The following HPSE2 variants were observed in gnomAD, a reference collection of about 807,000 sequenced individuals.
The protein encoded by HPSE2 is heparanase 2 (inactive), also known as inactive heparanase-2.
Under a neutral mutation model 60.5 loss-of-function variants are expected in HPSE2, and 38 were observed. That is an observed-to-expected ratio of 0.63 (90% CI 0.48 to 0.82). The LOEUF (loss-of-function observed/expected upper bound fraction) is 0.82. Ranked by LOEUF, HPSE2 falls within the 40% of genes least tolerant of loss-of-function variation. The pLI is 0.00. For synonymous variants in HPSE2, 295 were observed against 293.2 expected (o/e 1.01, Z -0.06); for missense variants, 713 against 740.4 (o/e 0.96, Z 0.43).
the HPSE2 span, among the ~76,000 whole-genome samples, chr10:99,287,757 A>C: frequency 1.6e-4 from 25 of 152,202 alleles, no homozygotes; most frequent in Non-Finnish European, 1.2e-4. Flanking sequence ...CTCAATGTAG[A>C]GATGTATATT....
chr10:98,848,863 C>T (rs1952097652), intron 3 of HPSE2, among the ~76,000 whole-genome samples: 1 of 152,150 alleles, frequency 6.6e-6, no homozygotes, highest in African/African-American at 2.4e-5. Flanking sequence ...TCTGTCCTTA[C>T]CCTTGCTGCT....
Position 99,059,103 on chromosome 10 carries a change from A to C in HPSE2, c.610+85135T>G, listed in dbSNP as rs182948363. Among the ~76,000 whole-genome samples the C allele has an allele frequency of 2.0e-5, 3 of 152,306 alleles. No individual in the cohort carries two copies. In the East Asian group the frequency reaches 5.8e-4, roughly 29 times the overall value. On this transcript the variant is annotated intron_variant, in intron 3 of 11. Transcript: ENST00000370552. Reference sequence around the variant, plus strand: ...ATCCTTCCTTTGATTTTTTTCAATCATTTAAAAATGTTAAAACCATTCTCA... The same window carrying C: ...ATCCTTCCTTTGATTTTTTTCAATCCTTTAAAAATGTTAAAACCATTCTCA...
chr10:98,809,290 G>T (rs1354736296), intron 3 of HPSE2, among the ~76,000 whole-genome samples: 1 of 151,954 alleles, frequency 6.6e-6, no homozygotes, highest in African/African-American at 2.4e-5. Context: ...ATTCAGTGAT[G>T]GGTTCATTAT....
At chr10:98,479,725 CA>C (rs1941161787) in intron 11 of HPSE2, among the ~76,000 whole-genome samples, 1 of 152,206 alleles carries the variant, frequency 6.6e-6, no homozygotes, top group African/African-American at 2.4e-5. Context: ...GTGGCAGGAT[CA>C]GGGGCTGGAA....
intron 3 of HPSE2, among the ~76,000 whole-genome samples, chr10:98,989,368 C>T (rs914007814): frequency 6.6e-6 from 1 of 151,876 alleles, no homozygotes; most frequent in Non-Finnish European, 1.5e-5. Context: ...AAACTGGAAA[C>T]CATCATTCTC....
chr10:99,089,478 C>T (rs1198838353), intron 3 of HPSE2, among the ~76,000 whole-genome samples: 1 of 151,924 alleles, frequency 6.6e-6, no homozygotes, highest in South Asian at 2.1e-4. Flanking sequence ...ATCAGTTGGC[C>T]GTTAAGTATT....
intron 6 of HPSE2, among the ~76,000 whole-genome samples, chr10:98,642,282 C>G (rs1946659334): frequency 6.6e-6 from 1 of 152,086 alleles, no homozygotes; most frequent in South Asian, 2.1e-4. Context: ...TAACACCCAT[C>G]CCATGCCCAT....
chr10:99,201,411 T>G (rs1848572479), intron 2 of HPSE2, among the ~76,000 whole-genome samples: 1 of 152,146 alleles, frequency 6.6e-6, no homozygotes, highest in Admixed American at 6.5e-5. Flanking sequence ...TGAGGAGCCA[T>G]GAGATAAATC....
At chr10:98,827,102 G>A (rs1951566657) in intron 3 of HPSE2, among the ~76,000 whole-genome samples, 1 of 152,088 alleles carries the variant, frequency 6.6e-6, no homozygotes, top group African/African-American at 2.4e-5. Context: ...AATGAGCTAG[G>A]ATTGTGTCAC....
At chr10:98,617,178 C>T (rs534458588) in intron 8 of HPSE2, among the ~76,000 whole-genome samples, 34 of 152,248 alleles carry the variant, frequency 2.2e-4, no homozygotes, top group African/African-American at 7.9e-4. Context: ...CAATACAGGG[C>T]TCTATCTTGG....
the HPSE2 span, among the ~76,000 whole-genome samples, chr10:99,282,619 A>G: frequency 6.6e-6 from 1 of 152,256 alleles, no homozygotes. Flanking sequence ...AAGTTAAGCC[A>G]CAGAACAAAT....
intron 3 of HPSE2, among the ~76,000 whole-genome samples, chr10:98,978,591 C>G (rs893206737): frequency 2.0e-5 from 3 of 152,100 alleles, no homozygotes; most frequent in Non-Finnish European, 4.4e-5. Flanking sequence ...TTCTATATGG[C>G]TAATAGTAAC....
chr10:98,466,300 G>A (rs1341787308), intron 11 of HPSE2, among the ~76,000 whole-genome samples: 1 of 152,130 alleles, frequency 6.6e-6, no homozygotes, highest in Non-Finnish European at 1.5e-5. Flanking sequence ...GCCTTGAGTG[G>A]GAGGTGAAGG....
chr10:99,131,477 ATATT>A (rs1017456863), intron 3 of HPSE2, among the ~76,000 whole-genome samples: 38 of 152,104 alleles, frequency 2.5e-4, no homozygotes, highest in African/African-American at 8.9e-4. Flanking sequence ...AATGTGATAT[ATATT>A]TATATATGTG....
At chr10:98,984,680 G>A (rs980505867) in intron 3 of HPSE2, among the ~76,000 whole-genome samples, 8 of 152,080 alleles carry the variant, frequency 5.3e-5, no homozygotes, top group African/African-American at 1.4e-4. Context: ...GGCTTCAGAC[G>A]ATCAAACTAC....
At chr10:99,210,924 A>G in intron 2 of HPSE2, among the ~76,000 whole-genome samples, 1 of 152,232 alleles carries the variant, frequency 6.6e-6, no homozygotes, top group East Asian at 1.9e-4. Flanking sequence ...AGACAGATCA[A>G]TTAGGCATAA....
chr10:98,513,942 A>C (rs760158261), intron 9 of HPSE2, among the ~76,000 whole-genome samples: 5 of 152,184 alleles, frequency 3.3e-5, no homozygotes, highest in Non-Finnish European at 7.4e-5. Flanking sequence ...ACTCAGACAT[A>C]CTTGTACATG....
chr10:99,200,601 T>C (rs767800142), intron 2 of HPSE2, among the ~76,000 whole-genome samples: 7 of 152,250 alleles, frequency 4.6e-5, no homozygotes, highest in Admixed American at 2.6e-4. Flanking sequence ...GATAATTAAA[T>C]AAAATGGTAG....
chr10:98,541,430 C>T (rs562970320), intron 9 of HPSE2, among the ~76,000 whole-genome samples: 9 of 152,172 alleles, frequency 5.9e-5, no homozygotes, highest in Admixed American at 2.0e-4. Flanking sequence ...TCTGAGGTAC[C>T]GGGTTCATCT....
Sources: gnomAD v4.1 joint callset for allele counts (sites outside exome capture counted in the v4.1 genomes callset) on GRCh38, gnomAD v4.1.1 for gene constraint, MANE v1.5 for transcripts, NCBI Gene and HGNC (gene_info 2026-07-23, HGNC 2026-07-21) for gene names.